Variants in TTC29 observed in about 807,000 individuals in gnomAD.
TTC29 encodes the protein tetratricopeptide repeat protein 29.
TTC29 carries 49 observed loss-of-function variants against 58.1 expected under a neutral mutation model. The observed-to-expected ratio is 0.84, with a 90% CI of 0.67 to 1.07. The LOEUF (loss-of-function observed/expected upper bound fraction) is 1.07, where lower values mean the gene tolerates loss of function less well. Ranked by LOEUF, TTC29 falls within the 50% of genes least tolerant of loss-of-function variation. The probability of loss-of-function intolerance (pLI) is 0.00; values close to 1 mark genes in which losing one functional copy is unlikely to be tolerated. For missense variants in TTC29, 582 were observed against 555.6 expected, an observed-to-expected ratio of 1.05 and a Z score of -0.48; for synonymous variants, 209 against 196.8, an observed-to-expected ratio of 1.06 and a Z score of -0.52.
chr4:146,901,561 T>C (rs1733151153), intron 6 of TTC29, among the ~76,000 whole-genome samples: 2 of 152,170 alleles, frequency 1.3e-5, no homozygotes, highest in Non-Finnish European at 2.9e-5. Flanking sequence ...ACTTCCCACC[T>C]TCCACTCACT....
intron 11 of TTC29, among the ~76,000 whole-genome samples, chr4:146,741,226 C>G (rs550375205): frequency 1.4e-4 from 21 of 152,112 alleles, no homozygotes; most frequent in Non-Finnish European, 2.8e-4. Context: ...TTTTAGATGA[C>G]TATACGCAAG....
chr4:146,751,689 T>C (rs561388524), intron 11 of TTC29, among the ~76,000 whole-genome samples: 6 of 152,074 alleles, frequency 3.9e-5, no homozygotes, highest in Non-Finnish European at 7.4e-5. Context: ...ACGTATAGGA[T>C]ACACCAAAAA....
chr4:146,755,275 ATT>A (rs1746354968), intron 11 of TTC29, among the ~76,000 whole-genome samples: 1 of 152,182 alleles, frequency 6.6e-6, no homozygotes, highest in South Asian at 2.1e-4. Context: ...AAGAATTAAT[ATT>A]GTTAAAATGT....
At chr4:146,905,711 C>T (rs1733478621) in intron 5 of TTC29, among the ~76,000 whole-genome samples, 1 of 152,038 alleles carries the variant, frequency 6.6e-6, no homozygotes, top group Non-Finnish European at 1.5e-5. Context: ...TCTTATGCTC[C>T]TTAAAAAGAA....
At chr4:146,893,080 A>G (rs1472230998) in intron 6 of TTC29, among the ~76,000 whole-genome samples, 1 of 152,230 alleles carries the variant, frequency 6.6e-6, no homozygotes, top group Non-Finnish European at 1.5e-5. Context: ...AGGAAGAATC[A>G]ATATCGTGAA....
chr4:146,782,816 A>G (rs769237923), intron 11 of TTC29, among the ~76,000 whole-genome samples: 30 of 152,062 alleles, frequency 2.0e-4, no homozygotes, highest in Non-Finnish European at 3.7e-4. Flanking sequence ...AATAGAAAAT[A>G]AAAGCCCAAA....
chr4:146,858,569 C>G (rs6854020), intron 8 of TTC29, among the ~76,000 whole-genome samples: 48,191 of 152,006 alleles, frequency 0.32, 8,239 homozygotes, highest in African/African-American at 0.44. Context: ...AGGTCTAGAG[C>G]AGAAGCCCGA....
Position 146,707,091 on chromosome 4 carries a change from A to T in TTC29, c.*67T>A. The T allele has an allele frequency of 8.5e-7, 1 of 1,181,834 alleles. No homozygotes were observed. Among genetic ancestry groups the T allele is most frequent in the Non-Finnish European group, 1.2e-6 (1 of 849,234 alleles). 73.2% of individuals were successfully genotyped at this position (1,181,834 alleles called of 1,614,324 possible). A position where few individuals can be genotyped will look rare whatever the true frequency, so the allele number is the denominator to read the frequency against. On this transcript the variant is annotated 3_prime_UTR_variant, in exon 13 of 13. Coordinates refer to ENST00000325106, the MANE Select transcript of TTC29 (RefSeq NM_031956.4). ...ATATTATCTGTAACATGCTCCTATT[A>T]CAAGTATTGAAGTCTAAGGTGACAT...
chr4:146,835,622 C>T (rs986456810), intron 8 of TTC29, among the ~76,000 whole-genome samples: 2 of 152,018 alleles, frequency 1.3e-5, no homozygotes, highest in Non-Finnish European at 2.9e-5. Flanking sequence ...GCCTGTAACC[C>T]TCAAGGCATT....
At chr4:146,774,589 G>C (rs566358475) in intron 11 of TTC29, among the ~76,000 whole-genome samples, 5 of 152,142 alleles carry the variant, frequency 3.3e-5, no homozygotes, top group Admixed American at 6.5e-5. Context: ...GAGTGTACTT[G>C]GCATGATTTC....
intron 3 of TTC29, among the ~76,000 whole-genome samples, chr4:146,938,127 T>A (rs766836253): frequency 5.9e-5 from 9 of 152,178 alleles, no homozygotes; most frequent in Non-Finnish European, 1.0e-4. Context: ...CTTTGAATAG[T>A]TTTTTTAATC....
At chr4:146,927,011 T>C (rs745735927) in intron 4 of TTC29, among the ~76,000 whole-genome samples, 4 of 147,794 alleles carry the variant, frequency 2.7e-5, no homozygotes, top group Non-Finnish European at 5.9e-5. Flanking sequence ...GCAGGAGAAT[T>C]GCTTAAACCC....
At chr4:146,770,700 A>G (rs1048326301) in intron 11 of TTC29, among the ~76,000 whole-genome samples, 6 of 152,010 alleles carry the variant, frequency 3.9e-5, no homozygotes, top group African/African-American at 1.4e-4. Context: ...CTGGGTTCAG[A>G]TTCCAGCTAT....
chr4:146,806,540 T>C (rs1478019727), intron 10 of TTC29, among the ~76,000 whole-genome samples: 1 of 152,052 alleles, frequency 6.6e-6, no homozygotes. Flanking sequence ...GAAGGAATAT[T>C]TACCAGGTAA....
intron 6 of TTC29, among the ~76,000 whole-genome samples, chr4:146,898,220 G>A (rs116372937): frequency 2.2e-4 from 33 of 152,276 alleles, no homozygotes; most frequent in Non-Finnish European, 3.8e-4. Flanking sequence ...AGATCAAAAC[G>A]GGAAAGGGGA....
chr4:146,855,162 G>T (rs530741815), intron 8 of TTC29, among the ~76,000 whole-genome samples: 1 of 152,138 alleles, frequency 6.6e-6, no homozygotes, highest in Non-Finnish European at 1.5e-5. Context: ...GGGCATGGTG[G>T]CTCATGCCTA....
At chr4:146,846,855 G>C (rs886211575) in intron 8 of TTC29, among the ~76,000 whole-genome samples, 1 of 152,096 alleles carries the variant, frequency 6.6e-6, no homozygotes, top group African/African-American at 2.4e-5. Context: ...CCTTTTCTCA[G>C]AAATCCATGA....
At chr4:146,930,945 C>G (rs1284631358) in intron 4 of TTC29, among the ~76,000 whole-genome samples, 1 of 152,124 alleles carries the variant, frequency 6.6e-6, no homozygotes, top group Admixed American at 6.5e-5. Context: ...GGTTTACGGG[C>G]TATTGTAGGA....
At chr4:146,718,232 C>T (rs1040431475) in intron 11 of TTC29, among the ~76,000 whole-genome samples, 12 of 152,082 alleles carry the variant, frequency 7.9e-5, no homozygotes, top group African/African-American at 2.2e-4. Context: ...TGGGTAAATA[C>T]CCAGAAGTAG....
Sources: allele counts gnomAD v4.1 joint callset (sites outside exome capture counted in the v4.1 genomes callset), GRCh38; gene constraint gnomAD v4.1.1; transcripts MANE v1.5; gene names NCBI Gene and HGNC (gene_info 2026-07-23, HGNC 2026-07-21).